The following ACAP3 variants were observed in gnomAD, a reference collection of about 807,000 sequenced individuals.
The protein encoded by ACAP3 is ArfGAP with coiled-coil, ankyrin repeat and PH domains 3.
Under a neutral mutation model 104.1 loss-of-function variants are expected in ACAP3, and 56 were observed. The ratio of observed to expected loss-of-function variants is 0.54; its 90% CI spans 0.43 to 0.67. The LOEUF (loss-of-function observed/expected upper bound fraction) is 0.67. Among genes scored for constraint, ACAP3 ranks in the 30% least tolerant of loss-of-function variants. The pLI is 0.00. For synonymous variants in ACAP3, 628 were observed against 496.2 expected (o/e 1.27, Z -3.53); for missense variants, 1,208 against 1,174.9 (o/e 1.03, Z -0.41).
intron 1 of ACAP3, among the ~76,000 whole-genome samples, chr1:1,306,420 A>G (rs3737720): frequency 0.68 from 103,994 of 152,142 alleles, 42,202 homozygotes; most frequent in Non-Finnish European, 0.93. Flanking sequence ...CGGGTCCTCA[A>G]TGCAGGATCC....
At chr1:1,300,103 C>T (rs1641378459) in intron 7 of ACAP3, 35 bp from the exon 8 acceptor site, 3 of 1,607,346 alleles carry the variant, frequency 1.9e-6, no homozygotes, top group African/African-American at 1.3e-5. Context: ...CCAAGCACAC[C>T]CGGTCCAGCC....
At position 1,296,551 on chromosome 1, in the gene ACAP3, C is replaced by G. The variant is rs771900538; in HGVS notation, c.1211G>C (p.Ser404Thr). The G allele has an allele frequency of 6.5e-7, 1 of 1,539,754 alleles. No individual in the cohort carries two copies. Among genetic ancestry groups the G allele is most frequent in the South Asian group, 1.2e-5 (1 of 84,060 alleles). ...CACACTCTGCACACGCTGCAGCACA[C>G]TCTCGCCCTTCACGCCACGCTCCCG... ...DTRERGVKGE[S>T]VLQRVQSVAG... is the part of the protein sequence containing the mutation. Residue 404 changes from serine (S) to threonine (T), a missense_variant, in exon 15 of 24, where the codon AGT becomes ACT. Ser to Thr is a moderately conservative substitution (Grantham distance 58). Transcript: ENST00000354700.
At chr1:1,304,474 C>T (rs1337858421) in intron 1 of ACAP3, 3 of 472,528 alleles carry the variant, frequency 6.3e-6, no homozygotes, top group African/African-American at 3.9e-5. Context: ...CGCCTCTCCT[C>T]TAGGAGTTCA....
chr1:1,296,563 A>C lies in ACAP3; in HGVS notation c.1199T>G (p.Val400Gly), dbSNP rs777021496. The change falls in exon 15 of 24, where the codon GTG (valine) becomes GGG (glycine). Residue 400 changes from valine (V) to glycine (G), a missense_variant. By Grantham distance (109) the Val-to-Gly change is moderately radical. Transcript: ENST00000354700. ...ACGCTGCAGCACACTCTCGCCCTTC[A>C]CGCCACGCTCCCGAGTGTCGGTGGC... is the stretch of plus-strand genomic sequence containing the variant. Reference protein sequence around the residue: ...DSATDTRERGVKGESVLQRVQ... With the variant: ...DSATDTRERGGKGESVLQRVQ... 18 of 1,539,430 alleles carry C rather than the reference A, an allele frequency of 1.2e-5. 1 individual carries two copies. In the South Asian group the frequency reaches 2.1e-4, roughly 18 times the overall value.
chr1:1,293,858 G>A lies in ACAP3; in HGVS notation c.2325C>T (p.Ile775=). The change falls in exon 23 of 24, where the codon ATC becomes ATT. Residue 775 remains isoleucine, a synonymous_variant. Transcript: ENST00000354700. ...LDQEQRDPLA[I]AVQAANADIV... ...TGTCAGCGTTGGCCGCCTGCACTGC[G>A]ATGGCCAACGGGTCCCGCTGCTCTT... 1 of 1,567,360 alleles carries A rather than the reference G, an allele frequency of 6.4e-7. No individual in the cohort carries two copies.
Position 1,300,188 on chromosome 1 carries a change from C to T in ACAP3, c.537G>A (p.Gln179=), listed in dbSNP as rs1641383759. The T allele has an allele frequency of 6.2e-7, 1 of 1,609,846 alleles. No homozygotes were observed. Among genetic ancestry groups the T allele is most frequent in the Non-Finnish European group, 8.5e-7 (1 of 1,178,320 alleles). ...CCAGGATCTCAAACTTCTTCTTGGC[C>T]TGCAGAACATTGATCTGCCAGAGGG... ...LDYVLQINVL[Q]AKKKFEILDS... is the part of the protein sequence containing the mutation. Residue 179 remains glutamine, a synonymous_variant, in exon 7 of 24, where the codon CAG becomes CAA. Coordinates refer to ENST00000354700, the MANE Select transcript of ACAP3 (RefSeq NM_030649.3).
Position 1,292,843 on chromosome 1 carries a change from C to G in ACAP3, c.*721G>C, listed in dbSNP as rs949643178. 6.6e-6 allele frequency: 1 copy of G among 152,304 alleles called. No homozygotes were observed. The highest frequency in any genetic ancestry group is 2.4e-5 in the African/African-American group (1 of 41,470). The allele number at this position is 152,304 out of a possible 1,614,324, so 9.4% of individuals were successfully genotyped here. A position where few individuals can be genotyped will look rare whatever the true frequency, so the allele number is the denominator to read the frequency against. On this transcript the variant is annotated 3_prime_UTR_variant, in exon 24 of 24. Transcript: ENST00000354700. ...GAGGCCTATAGCAAACCCACTCGGT[C>G]CGCTACAAAGAACATGAGATGAGGG...
In ACAP3 at chr1:1,298,082, C is replaced by T. The variant is rs1272836009; in HGVS notation, c.947G>A (p.Arg316His). 3 of 1,609,566 alleles carry T rather than the reference C, an allele frequency of 1.9e-6. No homozygotes were observed. Among genetic ancestry groups the T allele is most frequent in the Non-Finnish European group, 2.5e-6 (3 of 1,178,602 alleles). The change falls in exon 13 of 24, where the codon CGC becomes CAC. Residue 316 changes from arginine (R) to histidine (H), a missense_variant. Coordinates refer to ENST00000354700, the MANE Select transcript of ACAP3 (RefSeq NM_030649.3). ...CTCACACGGCTTCACAGAGCACAGG[C>T]GGAGGTCATCCACCACCACGGTGAG... ...DALTVVVDDL[R>H]LCSVKPCEDI...
chr1:1,301,765 G>T (rs1025241717), intron 5 of ACAP3: 2 of 402,984 alleles, frequency 5.0e-6, no homozygotes, highest in Non-Finnish European at 8.9e-6. Flanking sequence ...ACGTGGACTG[G>T]ACCTCTCTGC....
At position 1,293,511 on chromosome 1, in the gene ACAP3, G is replaced by A. The variant is rs777733209; in HGVS notation, c.*53C>T. The A allele has an allele frequency of 1.4e-6, 2 of 1,384,144 alleles. No homozygotes were observed. Among genetic ancestry groups the A allele is most frequent in the Non-Finnish European group, 9.3e-7 (1 of 1,078,264 alleles). 85.7% of individuals were successfully genotyped at this position (1,384,144 alleles called of 1,614,324 possible). ...GCCGGGTGGGCGCCAGGGACTTCGG[G>A]GCATGCGGGGCGTCGGGCCGGGCGG... On this transcript the variant is annotated 3_prime_UTR_variant, in exon 24 of 24. Coordinates refer to ENST00000354700, the MANE Select transcript of ACAP3 (RefSeq NM_030649.3).
chr1:1,299,776 G>A lies in ACAP3; in HGVS notation c.738+55C>T, dbSNP rs1396248486. 4 of 1,506,908 alleles carry A rather than the reference G, an allele frequency of 2.7e-6. No individual in the cohort carries two copies. The Admixed American group carries it at 6.3e-5, about 24-fold the overall frequency. The allele number at this position is 1,506,908 out of a possible 1,614,324, so 93.3% of individuals were successfully genotyped here. On this transcript the variant is annotated intron_variant, in intron 9 of 23. Transcript: ENST00000354700. ...GAGGGTGTGCCGGGCATGGGGTGAG[G>A]ACGCAGGGGCCTCCCAGGCGCCTGG...
rs1300533686 is a variant in ACAP3 at position 1,293,853 on chromosome 1, A to G, written c.2330T>C (p.Val777Ala). The part of the protein sequence containing the change: ...QEQRDPLAIA[V>A]QAANADIVTL... ...CACGATGTCAGCGTTGGCCGCCTGCACTGCGATGGCCAACGGGTCCCGCTG... is the reference window on the plus strand; with the variant it reads ...CACGATGTCAGCGTTGGCCGCCTGCGCTGCGATGGCCAACGGGTCCCGCTG... Residue 777 changes from valine (V) to alanine (A), a missense_variant, in exon 23 of 24, where the codon GTG (valine) becomes GCG (alanine). Transcript: ENST00000354700. 5 of 1,538,616 alleles carry G rather than the reference A, an allele frequency of 3.2e-6. No individual in the cohort carries two copies. The highest frequency in any genetic ancestry group is 1.1e-5 in the South Asian group (1 of 88,172).
In ACAP3 at chr1:1,304,160, G is replaced by A. The variant is rs755819647; in HGVS notation, c.48-17C>T. The A allele has an allele frequency of 1.9e-6, 3 of 1,550,364 alleles. No individual in the cohort carries two copies. The highest frequency in any genetic ancestry group is 2.4e-5 in the East Asian group (1 of 40,912). ...ATGGTCGCCCTAAAGCAAGAACGGGGCTGGCTGGGGTCACCTGCAGCCTCA... is the reference window on the plus strand; with the variant it reads ...ATGGTCGCCCTAAAGCAAGAACGGGACTGGCTGGGGTCACCTGCAGCCTCA... On this transcript the variant is annotated splice_polypyrimidine_tract_variant and intron_variant, in intron 1 of 23. Coordinates refer to ENST00000354700, the MANE Select transcript of ACAP3 (RefSeq NM_030649.3).
rs745335912 is a variant in ACAP3 at position 1,303,215 on chromosome 1, C to T, written c.172G>A (p.Val58Met). Reference sequence around the variant, plus strand: ...TGGGACAGGTCGCGGACGCCGCTCACGAAAAGCCTGCTGGTGCTGACGTAG... The same window carrying T: ...TGGGACAGGTCGCGGACGCCGCTCATGAAAAGCCTGCTGGTGCTGACGTAG... ...KAYVSTSRLF[V>M]SGVRDLSQQC... The change falls in exon 3 of 24, where the codon GTG becomes ATG. Residue 58 changes from valine (V) to methionine (M), a missense_variant. Transcript: ENST00000354700. This position sits in a 1 kb window ranked among gnomAD's most constrained non-coding sequence, Gnocchi z 4.0. 8.7e-6 allele frequency: 14 copies of T among 1,607,536 alleles called. No individual in the cohort carries two copies. The highest frequency in any genetic ancestry group is 2.2e-5 in the South Asian group (2 of 89,810).
chr1:1,298,258 T>C, intron 12 of ACAP3, 112 bp downstream of exon 12: 1 of 1,583,188 alleles, frequency 6.3e-7, no homozygotes, highest in Non-Finnish European at 8.6e-7. Context: ...CTGTTCCGGC[T>C]CCGGCGTCCA....
chr1:1,301,447 T>TG (rs1570654167), intron 5 of ACAP3: 1 of 138,808 alleles, frequency 7.2e-6, no homozygotes, highest in African/African-American at 3.0e-5. Flanking sequence ...TTTTTTTTTT[T>TG]GTAGAGATGG....
rs7535337 is a variant in ACAP3, at chr1:1,299,820, C to T, written c.738+11G>A. 4.8e-3 allele frequency: 7,419 copies of T among 1,541,780 alleles called. 23 individuals carry two copies. Among genetic ancestry groups the T allele is most frequent in the Non-Finnish European group, 5.7e-3 (6,522 of 1,141,706 alleles). ...CGCCTGGTGTGCAGGGAGCCGGCTG[C>T]GCGGCCTCACCCGCTGCTGGATGGC... On this transcript the variant is annotated intron_variant, in intron 9 of 23. Coordinates refer to ENST00000354700, the MANE Select transcript of ACAP3 (RefSeq NM_030649.3).
intron 19 of ACAP3, among the ~76,000 whole-genome samples, chr1:1,295,214 C>T (rs897635603): frequency 6.6e-6 from 1 of 152,140 alleles, no homozygotes; most frequent in Admixed American, 6.5e-5. Context: ...GCTTCCCCAG[C>T]ACCCCGGGCC....
chr1:1,300,081 C>T lies in ACAP3; in HGVS notation c.568-13G>A. On this transcript the variant is annotated splice_polypyrimidine_tract_variant and intron_variant, in intron 7 of 23. Transcript: ENST00000354700. Reference sequence around the variant, plus strand: ...TGAAGGACAGCATCTGCGGGGGCAGCACAGGTGAGGCCCAAGCACACCCGG... The same window carrying T: ...TGAAGGACAGCATCTGCGGGGGCAGTACAGGTGAGGCCCAAGCACACCCGG... 1 of 1,611,702 alleles carries T rather than the reference C, an allele frequency of 6.2e-7. No homozygotes were observed. Among genetic ancestry groups the T allele is most frequent in the Non-Finnish European group, 8.5e-7 (1 of 1,179,340 alleles).
Sources: allele counts gnomAD v4.1 joint callset (sites outside exome capture counted in the v4.1 genomes callset), GRCh38; gene constraint gnomAD v4.1.1; non-coding constraint Gnocchi (gnomAD v3.1); transcripts MANE v1.5; gene names NCBI Gene and HGNC (gene_info 2026-07-23, HGNC 2026-07-21).